The following MED21 variants were observed in gnomAD, a reference collection of about 807,000 sequenced individuals.
MED21 encodes mediator of RNA polymerase II transcription subunit 21.
In MED21, 9 loss-of-function variants were observed where a neutral mutation model predicts 18.2. That is an observed-to-expected ratio of 0.49 (90% CI 0.30 to 0.86). The LOEUF (loss-of-function observed/expected upper bound fraction) is 0.86. Ranked by LOEUF, MED21 falls within the 40% of genes least tolerant of loss-of-function variation. MED21 has a pLI of 0.07. For synonymous variants in MED21, 73 were observed against 60.5 expected, an observed-to-expected ratio of 1.21 and a Z score of -0.96; for missense variants, 150 against 170.9, an observed-to-expected ratio of 0.88 and a Z score of 0.68.
At chr12:27,027,558 C>A in intron 3 of MED21, 111 bp downstream of exon 3, 2 of 699,292 alleles carry the variant, frequency 2.9e-6, no homozygotes, top group South Asian at 1.8e-5. Flanking sequence ...AACAACATAC[C>A]TGAGACAGTA....
rs149924994 is a variant in MED21, at chr12:27,028,332, A to C, written c.306A>C (p.Thr102=). The stretch of plus-strand genomic sequence containing the variant: ...AAGAAGAAAACCATGAAGCTGCTAC[A>C]TGTCTGGAGGATGTTGTTTATCGAG... The part of the protein sequence containing the change: ...KLEEENHEAA[T]CLEDVVYRGD... Residue 102 remains threonine (T), a synonymous_variant, in exon 4 of 4, where the codon ACA becomes ACC. Coordinates refer to ENST00000282892, the MANE Select transcript of MED21 (RefSeq NM_004264.5). 13 of 1,614,174 alleles carry C rather than the reference A, an allele frequency of 8.1e-6. No homozygotes were observed. The Admixed American group carries it at 2.2e-4, about 27-fold the overall frequency.
In MED21 at chr12:27,027,399, T is replaced by C. The variant is rs1165269691; in HGVS notation, c.210T>C (p.Asp70=). The change falls in exon 3 of 4, where the codon GAT becomes GAC. Residue 70 remains aspartate, a synonymous_variant. Coordinates refer to ENST00000282892, the MANE Select transcript of MED21 (RefSeq NM_004264.5). ...TTGCACGAACAGCAAAAGACATTGATGTTTTGATAGATTCCTTACCCAGTG... is the reference window on the plus strand; with the variant it reads ...TTGCACGAACAGCAAAAGACATTGACGTTTTGATAGATTCCTTACCCAGTG... ...ALIARTAKDI[D]VLIDSLPSEE... 2 of 1,613,908 alleles carry C rather than the reference T, an allele frequency of 1.2e-6. No homozygotes were observed. Among genetic ancestry groups the C allele is most frequent in the Admixed American group, 1.7e-5 (1 of 60,018 alleles).
At chr12:27,027,743 G>A (rs1004251231) in intron 3 of MED21, among the ~76,000 whole-genome samples, 12 of 152,148 alleles carry the variant, frequency 7.9e-5, no homozygotes, top group Non-Finnish European at 1.3e-4. Context: ...AGGCAGAAGG[G>A]CAAAAGAGCA....
chr12:27,023,770 T>C (rs1592333733), intron 1 of MED21, among the ~76,000 whole-genome samples: 1 of 152,318 alleles, frequency 6.6e-6, no homozygotes, highest in East Asian at 1.9e-4. Context: ...GAAGGGGTCA[T>C]GTTCTGAGAA....
At chr12:27,032,799 G>A (rs538297038), downstream of MED21, among the ~76,000 whole-genome samples, 1 of 152,224 alleles carries the variant, frequency 6.6e-6, no homozygotes, top group South Asian at 2.1e-4. Flanking sequence ...TGGACAAAAT[G>A]CCCTTTAACT....
downstream of MED21, among the ~76,000 whole-genome samples, chr12:27,035,293 TGA>T (rs1565482410): frequency 6.6e-6 from 1 of 152,150 alleles, no homozygotes; most frequent in Non-Finnish European, 1.5e-5. Flanking sequence ...TAGTGAGTTG[TGA>T]GTTTTGCTAA....
downstream of MED21, among the ~76,000 whole-genome samples, chr12:27,034,905 C>T (rs1332542329): frequency 9.9e-5 from 15 of 152,144 alleles, no homozygotes; most frequent in Admixed American, 9.8e-4. Context: ...CACCTGTCAC[C>T]ACGCCTGGCT....
At chr12:27,036,311 G>T (rs59005396) in intron 2 of MED21, among the ~76,000 whole-genome samples, 12,517 of 151,958 alleles carry the variant, frequency 0.082, 744 homozygotes, top group East Asian at 0.34. Flanking sequence ...TAAATTTGTT[G>T]GAGTTCACTG....
At chr12:27,037,139 T>C (rs1028933368) in intron 2 of MED21, 1 of 150,980 alleles carries the variant, frequency 6.6e-6, no homozygotes, top group Non-Finnish European at 1.5e-5. Flanking sequence ...GTAGTTCTTC[T>C]TGAAGAGGTC....
chr12:27,031,091 G>T (rs1387907857), downstream of MED21, among the ~76,000 whole-genome samples: 1 of 152,142 alleles, frequency 6.6e-6, no homozygotes, highest in Non-Finnish European at 1.5e-5. Context: ...ATTTTTAGTA[G>T]AGACGGGGTT....
intron 1 of MED21, 57 bp from the exon 2 acceptor site, chr12:27,026,362 TA>T: frequency 1.9e-6 from 2 of 1,054,018 alleles, no homozygotes; most frequent in Non-Finnish European, 1.5e-6. Context: ...CCATTACCAA[TA>T]AAGTCCTTAA....
chr12:27,031,669 G>A (rs1033501805), downstream of MED21, among the ~76,000 whole-genome samples: 1 of 151,920 alleles, frequency 6.6e-6, no homozygotes, highest in African/African-American at 2.4e-5. Context: ...AAACATGTCA[G>A]TGTGAGGTAG....
chr12:27,024,910 G>A lies in MED21; in HGVS notation c.43-1510G>A, dbSNP rs529323996. Among the ~76,000 whole-genome samples the A allele has an allele frequency of 3.8e-4, 58 of 152,194 alleles. 1 individual carries two copies. The highest frequency in any genetic ancestry group is 1.3e-3 in the African/African-American group (56 of 41,526). On this transcript the variant is annotated intron_variant, in intron 1 of 3. Transcript: ENST00000282892. Reference sequence around the variant, plus strand: ...TGGAGTGATGTGAACCAAAATAGGGGGAATCTTCTTAGCATTTATCCTAAT... The same window carrying A: ...TGGAGTGATGTGAACCAAAATAGGGAGAATCTTCTTAGCATTTATCCTAAT...
chr12:27,028,191 A>G (rs559949641), intron 3 of MED21, 94 bp from the exon 4 acceptor site: 3 of 1,405,144 alleles, frequency 2.1e-6, no homozygotes, highest in East Asian at 2.3e-5. Flanking sequence ...ACATATCACA[A>G]TGATTGCAAA....
At chr12:27,035,127 G>A (rs538567720), downstream of MED21, among the ~76,000 whole-genome samples, 45 of 152,274 alleles carry the variant, frequency 3.0e-4, no homozygotes, top group South Asian at 9.3e-3. Flanking sequence ...GATCGCTTAA[G>A]CCTGGGAGGT....
chr12:27,029,317 A>G lies in MED21; in HGVS notation c.*856A>G. On this transcript the variant is annotated 3_prime_UTR_variant, in exon 4 of 4. Transcript: ENST00000282892. ...TCCACTACATCAGTTACTTGGCATC[A>G]TTTCACCTCAGTTTATTATTGCCAA... The G allele has an allele frequency of 1.0e-6, 1 of 985,292 alleles. No individual in the cohort carries two copies. Among genetic ancestry groups the G allele is most frequent in the Non-Finnish European group, 1.2e-6 (1 of 829,902 alleles). The allele number at this position is 985,292 out of a possible 1,614,324, so 61.0% of individuals were successfully genotyped here.
intron 1 of MED21, among the ~76,000 whole-genome samples, chr12:27,023,340 C>T (rs1941501387): frequency 7.8e-6 from 1 of 127,390 alleles, no homozygotes; most frequent in South Asian, 2.4e-4. Flanking sequence ...GTGCCTTTCG[C>T]CCAGGCTGGA....
Position 27,023,300 on chromosome 12 carries a change from CTTTT to C in MED21, c.42+693_42+696del, listed in dbSNP as rs71437317. Among the ~76,000 whole-genome samples, 105 of 110,402 alleles carry C rather than the reference CTTTT, an allele frequency of 9.5e-4. 1 individual carries two copies. The highest frequency in any genetic ancestry group is 3.4e-3 in the African/African-American group (93 of 27,752). The allele number at this position is 110,402 out of a possible 152,430, so 72.4% of individuals were successfully genotyped here. On this transcript the variant is annotated intron_variant, in intron 1 of 3. Coordinates refer to ENST00000282892, the MANE Select transcript of MED21 (RefSeq NM_004264.5). ...CGCTTATTTGAGTCTTTTTTCTTTT[CTTTT>C]TTTTTTTTTTTTTACTTTGGAGACA...
At chr12:27,037,352 G>A (rs1040534914) in intron 2 of MED21, 7 of 151,972 alleles carry the variant, frequency 4.6e-5, no homozygotes, top group Admixed American at 3.3e-4. Flanking sequence ...TGAGACAATG[G>A]GGTTTTCTAT....
Sources: gnomAD v4.1 joint callset for allele counts (sites outside exome capture counted in the v4.1 genomes callset) on GRCh38, gnomAD v4.1.1 for gene constraint, MANE v1.5 for transcripts, NCBI Gene and HGNC (gene_info 2026-07-23, HGNC 2026-07-21) for gene names.